The following VPS13B variants were observed in gnomAD, a reference collection of about 807,000 sequenced individuals.
VPS13B encodes intermembrane lipid transfer protein VPS13B.
VPS13B carries 285 observed loss-of-function variants against 426.4 expected under a neutral mutation model. That is an observed-to-expected ratio of 0.67 (90% CI 0.61 to 0.74). The LOEUF (loss-of-function observed/expected upper bound fraction) is 0.74, where lower values mean the gene tolerates loss of function less well. Among genes scored for constraint, VPS13B ranks in the 30% least tolerant of loss-of-function variants. The pLI is 0.00. For synonymous variants in VPS13B, 1,676 were observed against 1,676.4 expected (o/e 1.00, Z 0.01); for missense variants, 4,537 against 4,782.6 (o/e 0.95, Z 1.51).
At chr8:99,506,729 T>C (rs1474781193) in intron 27 of VPS13B, among the ~76,000 whole-genome samples, 1 of 152,082 alleles carries the variant, frequency 6.6e-6, no homozygotes, top group East Asian at 1.9e-4. Flanking sequence ...TGGTGGTGTA[T>C]GCCTGTAGTT....
intron 35 of VPS13B, among the ~76,000 whole-genome samples, chr8:99,681,133 TGAAAGTTCAGA>T (rs1457321396): frequency 4.6e-5 from 7 of 152,206 alleles, no homozygotes; most frequent in Admixed American, 2.0e-4. Flanking sequence ...ATCAAGGATG[TGAAAGTTCAGA>T]GAAACATGTT....
In VPS13B at chr8:99,514,630, CTGAATAATAT is replaced by C. The variant is rs1245450063; in HGVS notation, c.4633+3121_4633+3130del. On this transcript the variant is annotated intron_variant, in intron 29 of 61. Coordinates refer to ENST00000357162, the MANE Select transcript of VPS13B (RefSeq NM_152564.5). The stretch of plus-strand genomic sequence containing the variant: ...ATCAGAACTTCATTCCTTGCTATAG[CTGAATAATAT>C]TGTTTTGTATGGATATACCACATTT... 5.9e-5 allele frequency among the ~76,000 whole-genome samples: 9 copies of C among 152,288 alleles called. No homozygotes were observed. In the South Asian group the frequency reaches 1.7e-3, roughly 28 times the overall value.
intron 33 of VPS13B, among the ~76,000 whole-genome samples, chr8:99,603,182 G>A (rs563221851): frequency 6.6e-6 from 1 of 152,146 alleles, no homozygotes; most frequent in Non-Finnish European, 1.5e-5. Flanking sequence ...AAGGCAGAGA[G>A]GTTAACATTA....
At chr8:99,234,000 T>C (rs1268455416) in intron 17 of VPS13B, 1 of 775,556 alleles carries the variant, frequency 1.3e-6, no homozygotes, top group Admixed American at 1.7e-5. Context: ...ATGTTCACTA[T>C]GGTCAAGCCC....
intron 51 of VPS13B, among the ~76,000 whole-genome samples, chr8:99,827,219 G>A (rs898014998): frequency 1.1e-4 from 16 of 151,958 alleles, no homozygotes; most frequent in Non-Finnish European, 5.9e-5. Flanking sequence ...TTGGTTGGTA[G>A]GCTATTAATT....
In VPS13B at chr8:99,103,525, G is replaced by A. The variant is rs190966814; in HGVS notation, c.580+405G>A. ...TTTTTTTTTTTTTTTTTGAGATGGA[G>A]TCTTGCTCTGTCGCCCAGGCTGGAG... On this transcript the variant is annotated intron_variant, in intron 5 of 61. Transcript: ENST00000357162. Among the ~76,000 whole-genome samples the A allele has an allele frequency of 1.8e-3, 215 of 119,200 alleles. 1 individual carries two copies. Among genetic ancestry groups the A allele is most frequent in the African/African-American group, 6.9e-3 (210 of 30,218 alleles). 78.2% of individuals were successfully genotyped at this position (119,200 alleles called of 152,430 possible). A position where few individuals can be genotyped will look rare whatever the true frequency, so the allele number is the denominator to read the frequency against.
chr8:99,521,691 A>G (rs1822385804), intron 30 of VPS13B, among the ~76,000 whole-genome samples: 1 of 152,206 alleles, frequency 6.6e-6, no homozygotes, highest in Admixed American at 6.5e-5. Context: ...ATACAGATGA[A>G]CAAGTGATTT....
At chr8:99,632,021 A>C (rs1455222923) in intron 33 of VPS13B, among the ~76,000 whole-genome samples, 3 of 152,022 alleles carry the variant, frequency 2.0e-5, no homozygotes, top group African/African-American at 7.2e-5. Flanking sequence ...ACCAAATAAT[A>C]TTATCTTAGT....
chr8:99,293,797 C>T (rs1256668298), intron 19 of VPS13B, among the ~76,000 whole-genome samples: 104 of 151,832 alleles, frequency 6.8e-4, no homozygotes, highest in African/African-American at 2.4e-3. Context: ...AAATGCTCAC[C>T]ATCACTGGCC....
In VPS13B at chr8:99,365,540, G is replaced by A. The variant is rs528093587; in HGVS notation, c.2825-18668G>A. Reference sequence around the variant, plus strand: ...TCTTTTTTTTTTTTTTTTTTGAGGCGGAGTCTCGCTCTGTCGCCCAGGCTG... The same window carrying A: ...TCTTTTTTTTTTTTTTTTTTGAGGCAGAGTCTCGCTCTGTCGCCCAGGCTG... On this transcript the variant is annotated intron_variant, in intron 19 of 61. Coordinates refer to ENST00000357162, the MANE Select transcript of VPS13B (RefSeq NM_152564.5). Among the ~76,000 whole-genome samples, 23 of 62,932 alleles carry A rather than the reference G, an allele frequency of 3.7e-4. No homozygotes were observed. In the East Asian group the frequency reaches 7.3e-3, roughly 20 times the overall value. The allele number at this position is 62,932 out of a possible 152,430, so 41.3% of individuals were successfully genotyped here.
intron 19 of VPS13B, among the ~76,000 whole-genome samples, chr8:99,335,916 T>C (rs567905019): frequency 2.6e-5 from 4 of 152,286 alleles, no homozygotes; most frequent in African/African-American, 9.6e-5. Context: ...GAAGAATCAA[T>C]ATTGTGAAAA....
intron 19 of VPS13B, among the ~76,000 whole-genome samples, chr8:99,377,397 TA>T (rs1453791920): frequency 1.3e-5 from 2 of 152,344 alleles, no homozygotes; most frequent in South Asian, 2.1e-4. Context: ...GCTTACATCC[TA>T]AACTATCTTG....
rs973793430 is a variant in VPS13B at position 99,145,378 on chromosome 8, A to G, written c.1843+2213A>G. Among the ~76,000 whole-genome samples, 9 of 152,154 alleles carry G rather than the reference A, an allele frequency of 5.9e-5. No individual in the cohort carries two copies. The South Asian group carries it at 6.2e-4, about 10-fold the overall frequency. ...TTTGTAGGTTTGTGTGTTCACTACC[A>G]TGGTCAAGAAAATGAACAGTTCCAA... On this transcript the variant is annotated intron_variant, in intron 13 of 61. Coordinates refer to ENST00000357162, the MANE Select transcript of VPS13B (RefSeq NM_152564.5).
intron 51 of VPS13B, among the ~76,000 whole-genome samples, chr8:99,828,128 CT>C (rs1043838389): frequency 6.6e-5 from 10 of 152,014 alleles, no homozygotes; most frequent in African/African-American, 2.4e-4. Context: ...CCTGAATATC[CT>C]TGTTAATTTT....
rs1347610576 is a variant in VPS13B at position 99,853,821 on chromosome 8, A to C, written c.10432A>C (p.Ile3478Leu). The C allele has an allele frequency of 1.2e-6, 2 of 1,614,268 alleles. No homozygotes were observed. Among genetic ancestry groups the C allele is most frequent in the South Asian group, 2.2e-5 (2 of 91,082 alleles). Residue 3478 changes from isoleucine to leucine, a missense_variant, in exon 56 of 62, where the codon ATC (isoleucine) becomes CTC (leucine). Physicochemically the swap from Ile to Leu is conservative, Grantham distance 5 (BLOSUM62 2). Coordinates refer to ENST00000357162, the MANE Select transcript of VPS13B (RefSeq NM_152564.5). ...GGAAGAATACAAGGAAAAATGTTTT[A>C]TCAAACTTTGCATCACCTTAAATGA... ...ELEEYKEKCF[I>L]KLCITLNEGK...
At chr8:99,431,121 T>C (rs567632201) in intron 21 of VPS13B, among the ~76,000 whole-genome samples, 4 of 152,194 alleles carry the variant, frequency 2.6e-5, no homozygotes, top group Admixed American at 6.5e-5. Context: ...ATGAATCAAG[T>C]GCTTTTTAGT....
At chr8:99,477,113 T>G (rs1425784085) in intron 24 of VPS13B, among the ~76,000 whole-genome samples, 1 of 152,170 alleles carries the variant, frequency 6.6e-6, no homozygotes, top group African/African-American at 2.4e-5. Flanking sequence ...GTAATGCAGT[T>G]CATTTGCTTT....
intron 33 of VPS13B, among the ~76,000 whole-genome samples, chr8:99,635,713 A>C (rs1036505206): frequency 9.9e-5 from 15 of 151,974 alleles, no homozygotes; most frequent in Non-Finnish European, 1.8e-4. Flanking sequence ...TAATGAGCTG[A>C]CATTTGAATA....
intron 35 of VPS13B, among the ~76,000 whole-genome samples, chr8:99,676,414 C>T (rs1301085505): frequency 6.6e-6 from 1 of 152,056 alleles, no homozygotes; most frequent in Non-Finnish European, 1.5e-5. Context: ...TCAAGAGGCT[C>T]AGTACATGGG....
Sources: allele counts gnomAD v4.1 joint callset (sites outside exome capture counted in the v4.1 genomes callset), GRCh38; gene constraint gnomAD v4.1.1; transcripts MANE v1.5; gene names NCBI Gene and HGNC (gene_info 2026-07-23, HGNC 2026-07-21).